The following PDE1C variants were observed in gnomAD, a reference collection of about 807,000 sequenced individuals.
PDE1C encodes the protein dual specificity calcium/calmodulin-dependent 3',5'-cyclic nucleotide phosphodiesterase 1C.
A neutral mutation model predicts 93.1 loss-of-function variants in PDE1C; 62 were observed. The observed-to-expected ratio is 0.67, with a 90% CI of 0.54 to 0.82. PDE1C has a LOEUF of 0.82. Ranked by LOEUF, PDE1C falls within the 40% of genes least tolerant of loss-of-function variation. The pLI, the probability that PDE1C is intolerant of heterozygous loss-of-function variation, is 0.00. For synonymous variants in PDE1C, 325 were observed against 310.1 expected, an observed-to-expected ratio of 1.05 and a Z score of -0.50; for missense variants, 742 against 884.6, an observed-to-expected ratio of 0.84 and a Z score of 2.04.
At chr7:32,164,454 T>A (rs2128800454) in intron 3 of PDE1C, among the ~76,000 whole-genome samples, 1 of 152,264 alleles carries the variant, frequency 6.6e-6, no homozygotes, top group East Asian at 1.9e-4. Flanking sequence ...TCTAGAGACA[T>A]GAAGTCCAAG....
At chr7:31,669,043 C>A in the PDE1C span, among the ~76,000 whole-genome samples, 1 of 152,000 alleles carries the variant, frequency 6.6e-6, no homozygotes, top group Non-Finnish European at 1.5e-5. Flanking sequence ...TAAGGCATGG[C>A]CGGGAGTTTG....
chr7:31,805,347 T>G (rs1419588309), intron 16 of PDE1C, among the ~76,000 whole-genome samples: 1 of 151,868 alleles, frequency 6.6e-6, no homozygotes, highest in Admixed American at 6.6e-5. Flanking sequence ...ATTTTCCACT[T>G]AATATTTTCA....
chr7:31,806,943 CCT>C (rs763601520), intron 16 of PDE1C, among the ~76,000 whole-genome samples: 1 of 151,788 alleles, frequency 6.6e-6, no homozygotes, highest in Admixed American at 6.6e-5. Context: ...CTACATATTT[CCT>C]TTTTAAATTT....
At chr7:32,326,956 T>C (rs1383314268) in intron 1 of PDE1C, among the ~76,000 whole-genome samples, 2 of 152,186 alleles carry the variant, frequency 1.3e-5, no homozygotes, top group Non-Finnish European at 2.9e-5. Flanking sequence ...CAACAGGCAT[T>C]GGAAACTAGT....
intron 1 of PDE1C, among the ~76,000 whole-genome samples, chr7:32,375,249 T>G (rs1784414786): frequency 6.6e-6 from 1 of 152,148 alleles, no homozygotes; most frequent in Non-Finnish European, 1.5e-5. Flanking sequence ...TCAAGTGGCC[T>G]CAAGCTCCTC....
chr7:32,180,799 G>C (rs1466848506), intron 2 of PDE1C, among the ~76,000 whole-genome samples: 2 of 152,210 alleles, frequency 1.3e-5, no homozygotes, highest in Non-Finnish European at 2.9e-5. Flanking sequence ...ATGTGGAATT[G>C]TAATATAACT....
intron 16 of PDE1C, among the ~76,000 whole-genome samples, chr7:31,780,407 G>A (rs973282274): frequency 4.6e-5 from 7 of 152,140 alleles, no homozygotes; most frequent in African/African-American, 1.4e-4. Context: ...AGGGGAGGCC[G>A]ATTTAGACTG....
intron 2 of PDE1C, among the ~76,000 whole-genome samples, chr7:32,204,665 A>G (rs1805290055): frequency 6.6e-6 from 1 of 152,168 alleles, no homozygotes; most frequent in African/African-American, 2.4e-5. Context: ...ATTCCCTTAC[A>G]TGTGGTATTT....
At chr7:32,282,483 A>AGATAGATAGATAGATAGAT (rs1230035984) in intron 1 of PDE1C, among the ~76,000 whole-genome samples, 1 of 776 alleles carries the variant, frequency 1.3e-3, no homozygotes, top group African/African-American at 2.2e-3. Context: ...CATCAAAAAA[A>AGATAGATAGATAGATAGAT]AAATAGATAG....
rs542113598 is a variant in PDE1C, at chr7:32,299,054, G to C, written c.-319C>G. On this transcript the variant is annotated 5_prime_UTR_variant, in exon 1 of 19. Transcript: ENST00000396193. ...CCCGAGCGCGTGGACGGGGCTGACC[G>C]GTGGGCGCGGAGATCCCTGCCTGGC... The C allele has an allele frequency of 9.4e-5, 107 of 1,132,472 alleles. 1 individual carries two copies. The Admixed American group carries it at 5.3e-3, about 56-fold the overall frequency. 70.2% of individuals were successfully genotyped at this position (1,132,472 alleles called of 1,614,324 possible).
At chr7:31,998,009 T>TTTTA (rs1235573372) in intron 2 of PDE1C, among the ~76,000 whole-genome samples, 4 of 129,538 alleles carry the variant, frequency 3.1e-5, no homozygotes, top group East Asian at 4.4e-4. Context: ...TTTTATTTTA[T>TTTTA]TTTTATTTAT....
At chr7:32,337,249 C>G (rs1020645079) in intron 1 of PDE1C, among the ~76,000 whole-genome samples, 15 of 152,128 alleles carry the variant, frequency 9.9e-5, no homozygotes, top group African/African-American at 2.4e-4. Flanking sequence ...ACCATAGACA[C>G]TATGTTGAGC....
chr7:31,956,307 T>C (rs147771349), intron 2 of PDE1C, among the ~76,000 whole-genome samples: 8,772 of 152,050 alleles, frequency 0.058, 394 homozygotes, highest in African/African-American at 0.13. Context: ...TTGGCCAGGA[T>C]GGTCTTGATC....
exon 1 of PDE1C, chr7:32,298,690 T>C: frequency 3.7e-6 from 6 of 1,607,832 alleles, no homozygotes; most frequent in Non-Finnish European, 5.1e-6. Context: ...AAAGTGGCGC[T>C]CCGGCATTTT....
chr7:32,249,457 C>T (rs1434967687), intron 1 of PDE1C, among the ~76,000 whole-genome samples: 1 of 151,934 alleles, frequency 6.6e-6, no homozygotes, highest in African/African-American at 2.4e-5. Flanking sequence ...GTCCCCTCAG[C>T]GATTGCATGG....
At chr7:31,841,227 C>CTCTCTATATATA (rs751320538) in intron 9 of PDE1C, among the ~76,000 whole-genome samples, 1,664 of 142,252 alleles carry the variant, frequency 0.012, 15 homozygotes, top group Admixed American at 0.015. Flanking sequence ...CTCTCTCTCT[C>CTCTCTATATATA]TATATATATA....
chr7:31,746,897 T>G (rs1264540561), downstream of PDE1C, among the ~76,000 whole-genome samples: 1 of 152,170 alleles, frequency 6.6e-6, no homozygotes, highest in Non-Finnish European at 1.5e-5. Context: ...GGAAGATGCA[T>G]TCAATGAGCA....
intron 3 of PDE1C, among the ~76,000 whole-genome samples, chr7:32,101,787 G>T (rs1483260988): frequency 2.0e-5 from 3 of 152,146 alleles, no homozygotes; most frequent in African/African-American, 7.2e-5. Context: ...ATAGAAAATT[G>T]GTACAAAGTA....
chr7:32,379,428 C>A (rs1784491840), intron 1 of PDE1C, among the ~76,000 whole-genome samples: 1 of 152,202 alleles, frequency 6.6e-6, no homozygotes, highest in Non-Finnish European at 1.5e-5. Flanking sequence ...AAAAGCAAGA[C>A]CATTGTCCAT....
Sources: allele counts gnomAD v4.1 joint callset (sites outside exome capture counted in the v4.1 genomes callset), GRCh38; gene constraint gnomAD v4.1.1; transcripts MANE v1.5; gene names NCBI Gene and HGNC (gene_info 2026-07-23, HGNC 2026-07-21).